KMT2E: variants seen among roughly 807,000 people sequenced by gnomAD.
KMT2E encodes lysine methyltransferase 2E (inactive), also known as histone reader KMT2E.
A neutral mutation model predicts 184.6 loss-of-function variants in KMT2E; 30 were observed. That is an observed-to-expected ratio of 0.16 (90% CI 0.12 to 0.22). The LOEUF is 0.22. Among genes scored for constraint, KMT2E ranks in the 10% least tolerant of loss-of-function variants. KMT2E has a pLI of 1.00. For missense variants in KMT2E, 2,023 were observed against 2,237.4 expected (o/e 0.90, Z 1.93); for synonymous variants, 815 against 776.5 (o/e 1.05, Z -0.82).
rs1465640279 is a variant in KMT2E at position 105,088,506 on chromosome 7, T to C, written c.1359-1503T>C. Among the ~76,000 whole-genome samples, 3 of 152,222 alleles carry C rather than the reference T, an allele frequency of 2.0e-5. No individual in the cohort carries two copies. In the South Asian group the frequency reaches 6.2e-4, roughly 32 times the overall value. ...ACACTTAATAAGTAAATTGTTCTTA[T>C]TGTGAACAAACATTCAACTACTTAA... On this transcript the variant is annotated intron_variant, in intron 13 of 26. Coordinates refer to ENST00000311117, the MANE Select transcript of KMT2E (RefSeq NM_182931.3).
chr7:105,065,176 T>G (rs1298923565), intron 5 of KMT2E, among the ~76,000 whole-genome samples: 1 of 152,186 alleles, frequency 6.6e-6, no homozygotes, highest in South Asian at 2.1e-4. Context: ...ATTCTAACTT[T>G]ACGTTGGCTC....
At chr7:105,089,095 C>A in intron 13 of KMT2E, 1 of 269,062 alleles carries the variant, frequency 3.7e-6, no homozygotes, top group South Asian at 2.9e-5. Context: ...TATCATTTTG[C>A]TTTAAAAGAC....
At chr7:105,086,974 C>G (rs1174533291) in intron 13 of KMT2E, among the ~76,000 whole-genome samples, 1 of 144,986 alleles carries the variant, frequency 6.9e-6, no homozygotes, top group South Asian at 2.1e-4. Flanking sequence ...AGCATATATA[C>G]TATATATTAT....
intron 1 of KMT2E, among the ~76,000 whole-genome samples, chr7:105,035,022 A>ATTTT (rs981054177): frequency 2.3e-5 from 3 of 129,716 alleles, no homozygotes; most frequent in Non-Finnish European, 3.3e-5. Context: ...CACCTGGCTA[A>ATTTT]TTTTTTTTTT....
chr7:105,106,033 G>C, intron 19 of KMT2E, 30 bp downstream of exon 19: 1 of 1,591,696 alleles, frequency 6.3e-7, no homozygotes, highest in Non-Finnish European at 8.5e-7. Flanking sequence ...GTTTTGGTTT[G>C]AGAAATGTGG....
intron 1 of KMT2E, among the ~76,000 whole-genome samples, chr7:105,021,280 G>A (rs1794941135): frequency 6.6e-6 from 1 of 152,184 alleles, no homozygotes; most frequent in South Asian, 2.1e-4. Flanking sequence ...CCTTGACACA[G>A]GCTTATTACA....
At chr7:105,028,409 C>T (rs1015709010) in intron 1 of KMT2E, among the ~76,000 whole-genome samples, 1 of 152,132 alleles carries the variant, frequency 6.6e-6, no homozygotes. Flanking sequence ...TCAAGTGATC[C>T]GCCTGCCTCA....
chr7:105,069,257 C>T (rs745927489), intron 6 of KMT2E, among the ~76,000 whole-genome samples: 4 of 152,102 alleles, frequency 2.6e-5, no homozygotes, highest in Non-Finnish European at 4.4e-5. Flanking sequence ...GAGTTTATAC[C>T]GATAATTGCA....
chr7:105,033,899 A>C (rs1172568573), intron 1 of KMT2E, among the ~76,000 whole-genome samples: 1 of 152,228 alleles, frequency 6.6e-6, no homozygotes, highest in African/African-American at 2.4e-5. Context: ...GCACGTGTGA[A>C]AAAGCAGAAC....
intron 21 of KMT2E, 43 bp from the exon 22 acceptor site, chr7:105,107,319 G>A (rs756467920): frequency 6.5e-6 from 10 of 1,527,466 alleles, no homozygotes; most frequent in Non-Finnish European, 6.2e-6. Context: ...ACAGTCCCAA[G>A]ATGTGATTAT....
intron 6 of KMT2E, among the ~76,000 whole-genome samples, chr7:105,073,102 G>C (rs1446143494): frequency 2.7e-5 from 4 of 149,966 alleles, no homozygotes; most frequent in Non-Finnish European, 5.9e-5. Context: ...AAAAAATACT[G>C]GTTTCCTAAG....
At chr7:105,069,531 C>T (rs757970027) in intron 6 of KMT2E, among the ~76,000 whole-genome samples, 1 of 152,174 alleles carries the variant, frequency 6.6e-6, no homozygotes, top group Non-Finnish European at 1.5e-5. Context: ...TGTTTTAAGT[C>T]TCTTGAAATA....
intron 3 of KMT2E, among the ~76,000 whole-genome samples, chr7:105,057,811 T>C (rs1444085988): frequency 6.6e-6 from 1 of 152,214 alleles, no homozygotes; most frequent in Non-Finnish European, 1.5e-5. Context: ...CCATGTATTA[T>C]TCAGTATCTA....
chr7:105,015,626 A>G (rs1408747001), intron 1 of KMT2E, among the ~76,000 whole-genome samples: 1 of 152,090 alleles, frequency 6.6e-6, no homozygotes, highest in Admixed American at 6.5e-5. Context: ...TGAGATGGGG[A>G]GTAAAAACTG....
At chr7:105,079,772 C>T (rs908649114) in intron 12 of KMT2E, among the ~76,000 whole-genome samples, 4 of 151,192 alleles carry the variant, frequency 2.6e-5, no homozygotes, top group Non-Finnish European at 5.9e-5. Context: ...GATCCTTCTG[C>T]CTTAGCCTCC....
At chr7:105,032,786 G>A (rs774606044) in intron 1 of KMT2E, among the ~76,000 whole-genome samples, 8 of 152,226 alleles carry the variant, frequency 5.3e-5, no homozygotes, top group Non-Finnish European at 1.0e-4. Flanking sequence ...TAACAGTTGT[G>A]AGCCACCATG....
chr7:105,091,184 G>C, intron 14 of KMT2E, 32 bp from the exon 15 acceptor site: 2 of 996,612 alleles, frequency 2.0e-6, no homozygotes, highest in Non-Finnish European at 3.2e-6. Flanking sequence ...TGGAATAATA[G>C]TTTGTATAAA....
chr7:105,099,366 T>C (rs1798558134), intron 15 of KMT2E, among the ~76,000 whole-genome samples: 1 of 152,170 alleles, frequency 6.6e-6, no homozygotes, highest in Non-Finnish European at 1.5e-5. Context: ...TTAATACACA[T>C]GGGCTTTGGT....
At chr7:105,081,420 A>ATTT (rs912796432) in intron 12 of KMT2E, among the ~76,000 whole-genome samples, 5 of 138,970 alleles carry the variant, frequency 3.6e-5, no homozygotes, top group Admixed American at 1.4e-4. Flanking sequence ...GAAATATAGT[A>ATTT]TTTTTATTAT....
Sources: allele counts gnomAD v4.1 joint callset (sites outside exome capture counted in the v4.1 genomes callset), GRCh38; gene constraint gnomAD v4.1.1; transcripts MANE v1.5; gene names NCBI Gene and HGNC (gene_info 2026-07-23, HGNC 2026-07-21).